Variants in CECR2 observed in about 807,000 individuals in gnomAD.
The protein encoded by CECR2 is chromatin remodeling regulator CECR2.
A neutral mutation model predicts 154.5 loss-of-function variants in CECR2; 30 were observed. That is an observed-to-expected ratio of 0.19 (90% CI 0.15 to 0.26). The LOEUF (loss-of-function observed/expected upper bound fraction) is 0.26. Among genes scored for constraint, CECR2 ranks in the 10% least tolerant of loss-of-function variants. The pLI is 1.00. For synonymous variants in CECR2, 725 were observed against 683.7 expected, an observed-to-expected ratio of 1.06 and a Z score of -0.94; for missense variants, 1,743 against 1,829.3, an observed-to-expected ratio of 0.95 and a Z score of 0.86.
At chr22:17,464,364 A>C (rs542825370) in intron 1 of CECR2, among the ~76,000 whole-genome samples, 2 of 152,254 alleles carry the variant, frequency 1.3e-5, no homozygotes, top group Non-Finnish European at 2.9e-5. Flanking sequence ...CCTGCTGCTT[A>C]TCTCTGACGA....
chr22:17,391,902 A>G (rs1282247384), intron 1 of CECR2, among the ~76,000 whole-genome samples: 1 of 152,152 alleles, frequency 6.6e-6, no homozygotes, highest in Non-Finnish European at 1.5e-5. Context: ...CCCAGGTTCA[A>G]GCAATTCCCC....
rs971587693 is a variant in CECR2, at chr22:17,506,810, T to C, written c.870+1794T>C. The stretch of plus-strand genomic sequence containing the variant: ...CTGGGACTATAGGCGTGCGCCACCA[T>C]GCCTGGCTAATGTTTTTATATTTTT... On this transcript the variant is annotated intron_variant, in intron 7 of 18. Coordinates refer to ENST00000262608, the MANE Select transcript of CECR2 (RefSeq NM_001290047.2). Among the ~76,000 whole-genome samples, 6 of 152,198 alleles carry C rather than the reference T, an allele frequency of 3.9e-5. No homozygotes were observed. In the South Asian group the frequency reaches 1.2e-3, roughly 32 times the overall value.
At chr22:17,523,403 TG>T (rs537264670) in intron 8 of CECR2, among the ~76,000 whole-genome samples, 157 of 150,764 alleles carry the variant, frequency 1.0e-3, no homozygotes, top group African/African-American at 3.7e-3. Flanking sequence ...AACTGTGTTC[TG>T]TTGAGTGACT....
At chr22:17,489,058 C>T (rs1245410447) in intron 2 of CECR2, among the ~76,000 whole-genome samples, 1 of 152,160 alleles carries the variant, frequency 6.6e-6, no homozygotes, top group African/African-American at 2.4e-5. Flanking sequence ...ATTCTCCTGC[C>T]TCAGCCTCCC....
chr22:17,475,171 C>T (rs1341373782), intron 1 of CECR2, among the ~76,000 whole-genome samples: 1 of 152,034 alleles, frequency 6.6e-6, no homozygotes, highest in Non-Finnish European at 1.5e-5. Context: ...AAGTTTCTCC[C>T]GTAAAGAACT....
intron 1 of CECR2, among the ~76,000 whole-genome samples, chr22:17,473,459 C>T (rs2055160785): frequency 6.6e-6 from 1 of 152,174 alleles, no homozygotes. Context: ...AAGTAGTAAC[C>T]TGGATTTCCA....
intron 1 of CECR2, among the ~76,000 whole-genome samples, chr22:17,444,847 T>C (rs2054635359): frequency 6.6e-6 from 1 of 152,186 alleles, no homozygotes; most frequent in Non-Finnish European, 1.5e-5. Context: ...GGGTTTACTG[T>C]GTTAATTACA....
At position 17,477,664 on chromosome 22, in the gene CECR2, A is replaced by G; in HGVS notation, c.203A>G (p.Tyr68Cys). 1.2e-6 allele frequency: 2 copies of G among 1,610,492 alleles called. No individual in the cohort carries two copies. Among genetic ancestry groups the G allele is most frequent in the East Asian group, 2.2e-5 (1 of 44,886 alleles). Reference protein sequence around the residue: ...DLIACLLQGCYQRRDITPQTF... With the variant: ...DLIACLLQGCCQRRDITPQTF... The stretch of plus-strand genomic sequence containing the variant: ...ATTGCCTGCCTGCTTCAGGGCTGCT[A>G]TCAACGAAGAGATATCACGTGAGTA... Residue 68 changes from tyrosine (Y) to cysteine (C), a missense_variant, in exon 2 of 19, where the codon TAT becomes TGT. Physicochemically the swap from Tyr to Cys is radical, Grantham distance 194 (BLOSUM62 -2). Coordinates refer to ENST00000262608, the MANE Select transcript of CECR2 (RefSeq NM_001290047.2).
intron 9 of CECR2, among the ~76,000 whole-genome samples, chr22:17,536,259 A>C (rs2056435607): frequency 6.6e-6 from 1 of 152,214 alleles, no homozygotes; most frequent in Non-Finnish European, 1.5e-5. Flanking sequence ...AAAAATAAAA[A>C]TAAAAAAGAA....
chr22:17,542,665 G>C lies in CECR2; in HGVS notation c.2522G>C (p.Arg841Pro). Residue 841 changes from arginine (R) to proline (P), a missense_variant, in exon 16 of 19, where the codon CGA (arginine) becomes CCA (proline). Physicochemically the swap from Arg to Pro is moderately radical, Grantham distance 103 (BLOSUM62 -2). Coordinates refer to ENST00000262608, the MANE Select transcript of CECR2 (RefSeq NM_001290047.2). ...GGAGTTCCTTCCTCAGGGTACATGC[G>C]ACCGCCCTGCAAGTCTGCCGGACAT... is the stretch of plus-strand genomic sequence containing the variant. ...PHGVPSSGYM[R>P]PPCKSAGHRL... The C allele has an allele frequency of 6.2e-7, 1 of 1,613,914 alleles. No homozygotes were observed. The highest frequency in any genetic ancestry group is 8.5e-7 in the Non-Finnish European group (1 of 1,179,886).
upstream of CECR2, among the ~76,000 whole-genome samples, chr22:17,368,605 G>A (rs1014620646): frequency 6.6e-6 from 1 of 152,088 alleles, no homozygotes; most frequent in African/African-American, 2.4e-5. Context: ...CCCTCCGCCG[G>A]GGCGTGGGGG....
chr22:17,416,717 G>T (rs554931845), intron 1 of CECR2, among the ~76,000 whole-genome samples: 5 of 152,144 alleles, frequency 3.3e-5, no homozygotes, highest in Non-Finnish European at 5.9e-5. Flanking sequence ...GGCCGAGCTG[G>T]TCTGGAACTG....
At chr22:17,466,919 T>C (rs2055042793) in intron 1 of CECR2, among the ~76,000 whole-genome samples, 1 of 152,158 alleles carries the variant, frequency 6.6e-6, no homozygotes, top group Admixed American at 6.5e-5. Flanking sequence ...TCCTTTACAT[T>C]CAGTGTTTCT....
At chr22:17,367,898 T>C (rs1188641830), upstream of CECR2, among the ~76,000 whole-genome samples, 2 of 152,168 alleles carry the variant, frequency 1.3e-5, no homozygotes, top group African/African-American at 4.8e-5. Context: ...AGCAGTCACA[T>C]GTGAGCTCAT....
intron 7 of CECR2, among the ~76,000 whole-genome samples, chr22:17,511,250 C>T (rs760285553): frequency 6.6e-6 from 1 of 152,212 alleles, no homozygotes; most frequent in Non-Finnish European, 1.5e-5. Context: ...GTTCTCCATG[C>T]TCTTTCTTTG....
chr22:17,441,547 C>G (rs569813107), intron 1 of CECR2, among the ~76,000 whole-genome samples: 1 of 152,008 alleles, frequency 6.6e-6, no homozygotes, highest in Non-Finnish European at 1.5e-5. Flanking sequence ...AAAAAGTAGC[C>G]GGGGGAGATT....
chr22:17,408,256 A>T (rs143257536), intron 1 of CECR2, among the ~76,000 whole-genome samples: 1,831 of 119,820 alleles, frequency 0.015, 34 homozygotes, highest in African/African-American at 0.055. Flanking sequence ...CTGTCTGTGG[A>T]TTCTAAATTA....
Position 17,548,654 on chromosome 22 carries a change from G to A in CECR2, c.3367G>A (p.Gly1123Ser). Residue 1123 changes from glycine (G) to serine (S), a missense_variant, in exon 17 of 19, where the codon GGC becomes AGC. Around this residue, in one of 4 missense-constraint regions of CECR2, gnomAD observed 1,250 missense variants for 1,192.1 expected, o/e 1.05. Transcript: ENST00000262608. Reference protein sequence around the residue: ...VSQFPPLYMPGLEYPNSAAHY... With the variant: ...VSQFPPLYMPSLEYPNSAAHY... ...CCAGTTTCCCCCGCTGTATATGCCT[G>A]GCCTAGAGTACCCGAATTCAGCTGC... The A allele has an allele frequency of 1.9e-6, 3 of 1,613,156 alleles. No individual in the cohort carries two copies. Among genetic ancestry groups the A allele is most frequent in the South Asian group, 1.1e-5 (1 of 90,854 alleles).
intron 1 of CECR2, among the ~76,000 whole-genome samples, chr22:17,414,501 C>CTT (rs11421612): frequency 2.6e-3 from 343 of 132,458 alleles, no homozygotes; most frequent in Middle Eastern, 8.0e-3. Flanking sequence ...TATCAGTTTT[C>CTT]TTTTTTTTTT....
Sources: allele counts gnomAD v4.1 joint callset (sites outside exome capture counted in the v4.1 genomes callset), GRCh38; gene constraint gnomAD v4.1.1; regional missense constraint gnomAD v4.1.1; transcripts MANE v1.5; gene names NCBI Gene and HGNC (gene_info 2026-07-23, HGNC 2026-07-21).